The following IMMP2L variants were observed in gnomAD, a reference collection of about 807,000 sequenced individuals.
The protein encoded by IMMP2L is mitochondrial inner membrane protease subunit 2.
IMMP2L carries 18 observed loss-of-function variants against 19.3 expected under a neutral mutation model. The observed-to-expected ratio is 0.93, with a 90% CI of 0.64 to 1.38. The LOEUF (loss-of-function observed/expected upper bound fraction) is 1.38, where lower values mean the gene tolerates loss of function less well. Among genes scored for constraint, IMMP2L ranks in the 40% most tolerant of loss-of-function variants. The pLI, the probability that IMMP2L is intolerant of heterozygous loss-of-function variation, is 0.00. For synonymous variants in IMMP2L, 76 were observed against 73.0 expected (o/e 1.04, Z -0.21); for missense variants, 233 against 218.2 (o/e 1.07, Z -0.43).
In IMMP2L at chr7:111,234,852, CT is replaced by C. The variant is rs1176754588; in HGVS notation, c.239+252385del. ...TACATCAGTATTCTTACATTTCCCC[CT>C]CTCCCAGCCTTTGCACTACTACTAT... On this transcript the variant is annotated intron_variant, in intron 3 of 5. Transcript: ENST00000405709. Among the ~76,000 whole-genome samples, 11 of 152,184 alleles carry C rather than the reference CT, an allele frequency of 7.2e-5. No individual in the cohort carries two copies. In the South Asian group the frequency reaches 1.9e-3, roughly 26 times the overall value.
At chr7:111,225,902 T>G (rs1033240199) in intron 3 of IMMP2L, among the ~76,000 whole-genome samples, 5 of 152,126 alleles carry the variant, frequency 3.3e-5, no homozygotes, top group African/African-American at 1.2e-4. Flanking sequence ...ACTTTATATA[T>G]CCCCCTAACT....
intron 3 of IMMP2L, among the ~76,000 whole-genome samples, chr7:110,966,814 C>A (rs566205080): frequency 6.6e-6 from 1 of 152,068 alleles, no homozygotes; most frequent in Non-Finnish European, 1.5e-5. Context: ...CAGAAGTGCT[C>A]AGAGAGTTAT....
intron 3 of IMMP2L, among the ~76,000 whole-genome samples, chr7:111,382,084 C>A (rs1831253162): frequency 6.6e-6 from 1 of 151,566 alleles, no homozygotes; most frequent in Non-Finnish European, 1.5e-5. Context: ...AGCAGCAGAC[C>A]CATAAAAGGG....
intron 5 of IMMP2L, among the ~76,000 whole-genome samples, chr7:110,812,719 T>G (rs1450205210): frequency 6.6e-6 from 1 of 152,004 alleles, no homozygotes; most frequent in African/African-American, 2.4e-5. Flanking sequence ...AAAACTTGTT[T>G]CAAAATCATG....
At chr7:111,229,232 A>T (rs1424559051) in intron 3 of IMMP2L, among the ~76,000 whole-genome samples, 1 of 152,092 alleles carries the variant, frequency 6.6e-6, no homozygotes, top group African/African-American at 2.4e-5. Flanking sequence ...ATACTTTTTT[A>T]AAACTACTGA....
intron 3 of IMMP2L, among the ~76,000 whole-genome samples, chr7:111,241,075 T>C (rs910122226): frequency 6.6e-6 from 1 of 151,904 alleles, no homozygotes; most frequent in Non-Finnish European, 1.5e-5. Context: ...AACAGTAACT[T>C]AGTTACTGTT....
At chr7:110,963,095 G>A (rs1331399315) in intron 4 of IMMP2L, 1 of 1,515,358 alleles carries the variant, frequency 6.6e-7, no homozygotes, top group African/African-American at 1.4e-5. Flanking sequence ...CCATCTCTAT[G>A]AGTACAAAAG....
intron 3 of IMMP2L, among the ~76,000 whole-genome samples, chr7:111,103,842 A>T (rs899358328): frequency 3.3e-5 from 5 of 151,662 alleles, no homozygotes; most frequent in African/African-American, 1.2e-4. Flanking sequence ...ATGAGGAAAC[A>T]ATGACATGGC....
At chr7:111,030,345 T>C (rs1356650823) in intron 3 of IMMP2L, among the ~76,000 whole-genome samples, 1 of 152,198 alleles carries the variant, frequency 6.6e-6, no homozygotes. Flanking sequence ...TTTCCTTTCA[T>C]TGAACAAACT....
intron 3 of IMMP2L, among the ~76,000 whole-genome samples, chr7:111,257,604 T>C (rs1272000454): frequency 6.6e-6 from 1 of 152,092 alleles, no homozygotes; most frequent in Admixed American, 6.6e-5. Context: ...TCTTCCATTA[T>C]TATACAAGGC....
intron 3 of IMMP2L, among the ~76,000 whole-genome samples, chr7:111,111,749 A>G (rs2129583850): frequency 6.6e-6 from 1 of 152,068 alleles, no homozygotes; most frequent in South Asian, 2.1e-4. Flanking sequence ...GTAGTCCTAC[A>G]TAATTAGCTT....
intron 3 of IMMP2L, among the ~76,000 whole-genome samples, chr7:111,295,985 TAAAAAA>T (rs3052106): frequency 7.3e-6 from 1 of 136,338 alleles, no homozygotes; most frequent in Admixed American, 7.3e-5. Flanking sequence ...GAAAGAATGT[TAAAAAA>T]AAAAAAAAAA....
At chr7:111,371,972 T>C (rs1324551574) in intron 3 of IMMP2L, among the ~76,000 whole-genome samples, 1 of 152,012 alleles carries the variant, frequency 6.6e-6, no homozygotes, top group African/African-American at 2.4e-5. Context: ...TCAGAATATA[T>C]TGACAAATGG....
At chr7:110,671,341 T>C (rs1791902524) in intron 5 of IMMP2L, among the ~76,000 whole-genome samples, 1 of 152,242 alleles carries the variant, frequency 6.6e-6, no homozygotes, top group Non-Finnish European at 1.5e-5. Context: ...TGGCTTAGAT[T>C]CTTATTTTAG....
At chr7:111,078,414 C>G (rs943871897) in intron 3 of IMMP2L, among the ~76,000 whole-genome samples, 2 of 152,140 alleles carry the variant, frequency 1.3e-5, no homozygotes, top group Admixed American at 6.5e-5. Context: ...CTGATTATTG[C>G]TACTGCATTA....
intron 1 of IMMP2L, among the ~76,000 whole-genome samples, chr7:111,547,791 G>A (rs567622562): frequency 1.3e-5 from 2 of 151,784 alleles, no homozygotes; most frequent in East Asian, 3.9e-4. Context: ...CATGATCACG[G>A]CTTACTGCAA....
chr7:111,290,827 A>AACACACACACACACAC, intron 3 of IMMP2L, among the ~76,000 whole-genome samples: 1 of 135,088 alleles, frequency 7.4e-6, no homozygotes, highest in African/African-American at 2.7e-5. Flanking sequence ...TATATATACA[A>AACACACACACACACAC]ACACACACAC....
intron 3 of IMMP2L, chr7:111,483,770 A>C (rs1176865732): frequency 1.3e-5 from 2 of 152,168 alleles, no homozygotes; most frequent in African/African-American, 2.4e-5. Context: ...AGTGGAGAAA[A>C]GATTTCAGTG....
chr7:111,286,650 TTC>T (rs1352872026), intron 3 of IMMP2L, among the ~76,000 whole-genome samples: 7 of 152,132 alleles, frequency 4.6e-5, no homozygotes, highest in African/African-American at 1.7e-4. Flanking sequence ...AATATAAATA[TTC>T]TCTGTTGTCA....
Sources: gnomAD v4.1 joint callset for allele counts (sites outside exome capture counted in the v4.1 genomes callset) on GRCh38, gnomAD v4.1.1 for gene constraint, MANE v1.5 for transcripts, NCBI Gene and HGNC (gene_info 2026-07-23, HGNC 2026-07-21) for gene names.